The following BCAS3 variants were observed in gnomAD, a reference collection of about 807,000 sequenced individuals.
BCAS3 encodes the protein BCAS4/BCAS3 fusion.
A neutral mutation model predicts 116.1 loss-of-function variants in BCAS3; 53 were observed. That is an observed-to-expected ratio of 0.46 (90% CI 0.37 to 0.57). The LOEUF is 0.57. Among genes scored for constraint, BCAS3 ranks in the 20% least tolerant of loss-of-function variants. The pLI, the probability that BCAS3 is intolerant of heterozygous loss-of-function variation, is 0.00. For synonymous variants in BCAS3, 391 were observed against 408.2 expected (o/e 0.96, Z 0.51); for missense variants, 917 against 1,165.4 (o/e 0.79, Z 3.10).
chr17:60,716,763 T>C (rs1354486179), intron 5 of BCAS3, among the ~76,000 whole-genome samples: 1 of 152,148 alleles, frequency 6.6e-6, no homozygotes, highest in African/African-American at 2.4e-5. Flanking sequence ...TATGGTCATA[T>C]AATTTGGAGA....
At position 61,281,675 on chromosome 17, in the gene BCAS3, T is replaced by A. The variant is rs1264365726; in HGVS notation, c.2426-86652T>A. On this transcript the variant is annotated intron_variant, in intron 22 of 23. Coordinates refer to ENST00000407086, the MANE Select transcript of BCAS3 (RefSeq NM_017679.5). This position sits in a 1 kb window ranked among gnomAD's most constrained non-coding sequence, Gnocchi z 4.2. ...CTTTATACTGGGTTTTTTATCTTAT[T>A]CATATTGATTTGGAGGAGCTTTCTA... 1.3e-5 allele frequency among the ~76,000 whole-genome samples: 2 copies of A among 152,170 alleles called. No individual in the cohort carries two copies. Among genetic ancestry groups the A allele is most frequent in the Non-Finnish European group, 2.9e-5 (2 of 68,024 alleles).
chr17:61,207,877 G>A lies in BCAS3; in HGVS notation c.2425+123313G>A, dbSNP rs192830161. Among the ~76,000 whole-genome samples, 38 of 152,254 alleles carry A rather than the reference G, an allele frequency of 2.5e-4. No homozygotes were observed. In the East Asian group the frequency reaches 7.3e-3, roughly 29 times the overall value. ...TTTGTGTGTTGCTTAGTGAGAAGTG[G>A]TGGGTAGGAATAATTTTTCTGTTTT... On this transcript the variant is annotated intron_variant, in intron 22 of 23. Transcript: ENST00000407086.
At position 60,714,008 on chromosome 17, in the gene BCAS3, A is replaced by AT. The variant is rs36014133; in HGVS notation, c.321+4691dup. Among the ~76,000 whole-genome samples the AT allele has an allele frequency of 7.8e-3, 1,177 of 151,506 alleles. 10 individuals carry two copies. Among genetic ancestry groups the AT allele is most frequent in the Non-Finnish European group, 0.012 (832 of 67,808 alleles). ...GCCACCATGCCAGGCTAATTTTTGTATTTTTTTTAGTAGAGATGGGGTTTC... is the reference window on the plus strand; with the variant it reads ...GCCACCATGCCAGGCTAATTTTTGTATTTTTTTTTAGTAGAGATGGGGTTTC... On this transcript the variant is annotated intron_variant, in intron 5 of 23. Transcript: ENST00000407086.
intron 22 of BCAS3, among the ~76,000 whole-genome samples, chr17:61,085,637 C>T (rs117116644): frequency 3.9e-5 from 6 of 152,250 alleles, no homozygotes; most frequent in East Asian, 1.9e-4. Context: ...TCATTTTTAA[C>T]GTAGACTATT....
At chr17:60,845,797 T>TC (rs1367770503) in intron 7 of BCAS3, among the ~76,000 whole-genome samples, 7 of 149,310 alleles carry the variant, frequency 4.7e-5, no homozygotes, top group East Asian at 2.0e-4. Context: ...TTTTTTTTTT[T>TC]TCTCTCTCTC....
chr17:60,988,431 CCT>C (rs553622751), intron 14 of BCAS3, among the ~76,000 whole-genome samples: 47 of 144,536 alleles, frequency 3.3e-4, no homozygotes, highest in Admixed American at 1.9e-3. Flanking sequence ...ATTCCTTCCT[CCT>C]CTATTCTTCT....
chr17:61,036,199 A>T (rs1276075115), intron 17 of BCAS3: 2 of 152,210 alleles, frequency 1.3e-5, no homozygotes, highest in Non-Finnish European at 2.9e-5. Flanking sequence ...GTATTATTAA[A>T]GTAGGTCACA....
chr17:61,247,321 A>G (rs1274782869), intron 22 of BCAS3, among the ~76,000 whole-genome samples: 2 of 152,190 alleles, frequency 1.3e-5, no homozygotes, highest in Non-Finnish European at 1.5e-5. Flanking sequence ...AACTAGTATA[A>G]TCTTCAGGAA....
At position 61,189,132 on chromosome 17, in the gene BCAS3, A is replaced by G. The variant is rs7217734; in HGVS notation, c.2425+104568A>G. Among the ~76,000 whole-genome samples, 8,634 of 152,140 alleles carry G rather than the reference A, an allele frequency of 0.057. 822 individuals are homozygous for G. Among genetic ancestry groups the G allele is most frequent in the African/African-American group, 0.19 (8,065 of 41,464 alleles). ...CAAAACAAAACAAAAAAAGAGAGAG[A>G]GAGAGAGAACAGCACACTTCAAAGG... is the stretch of plus-strand genomic sequence containing the variant. On this transcript the variant is annotated intron_variant, in intron 22 of 23. Transcript: ENST00000407086. The surrounding 1 kb of genome is among the most constrained non-coding windows in gnomAD (Gnocchi z 4.5).
At position 60,967,121 on chromosome 17, in the gene BCAS3, A is replaced by C. The variant is rs1275755495; in HGVS notation, c.1221+19769A>C. Among the ~76,000 whole-genome samples the C allele has an allele frequency of 1.3e-5, 2 of 152,144 alleles. No homozygotes were observed. The highest frequency in any genetic ancestry group is 2.9e-5 in the Non-Finnish European group (2 of 68,010). ...GTTATAGAGTATTTTGTGTTTCACCATGTACTTTTTACCAGTGGGTTTTAT... is the reference window on the plus strand; with the variant it reads ...GTTATAGAGTATTTTGTGTTTCACCCTGTACTTTTTACCAGTGGGTTTTAT... On this transcript the variant is annotated intron_variant, in intron 14 of 23. Transcript: ENST00000407086. The surrounding 1 kb of genome is among the most constrained non-coding windows in gnomAD (Gnocchi z 4.7).
rs988726290 is a variant in BCAS3, at chr17:61,200,157, A to C, written c.2425+115593A>C. On this transcript the variant is annotated intron_variant, in intron 22 of 23. Coordinates refer to ENST00000407086, the MANE Select transcript of BCAS3 (RefSeq NM_017679.5). This position sits in a 1 kb window ranked among gnomAD's most constrained non-coding sequence, Gnocchi z 5.1. ...TTCATTTCTTATCCTCTTTATAAAA[A>C]ACAAAACAAAACCAACTTAGAACTT... Among the ~76,000 whole-genome samples the C allele has an allele frequency of 1.3e-5, 2 of 152,236 alleles. No individual in the cohort carries two copies. The highest frequency in any genetic ancestry group is 4.8e-5 in the African/African-American group (2 of 41,464).
rs147268070 is a variant in BCAS3 at position 61,126,380 on chromosome 17, T to C, written c.2425+41816T>C. Among the ~76,000 whole-genome samples the C allele has an allele frequency of 1.3e-3, 196 of 152,294 alleles. No individual in the cohort carries two copies. The highest frequency in any genetic ancestry group is 1.6e-3 in the Non-Finnish European group (109 of 67,986). ...CATTAGAAAAAAAGAGCAGTGTATA[T>C]GTGTCATGTTATCGCACGTGAACCA... On this transcript the variant is annotated intron_variant, in intron 22 of 23. Coordinates refer to ENST00000407086, the MANE Select transcript of BCAS3 (RefSeq NM_017679.5). This position sits in a 1 kb window ranked among gnomAD's most constrained non-coding sequence, Gnocchi z 4.6.
At chr17:61,293,156 C>T (rs1298893088) in intron 22 of BCAS3, among the ~76,000 whole-genome samples, 4 of 152,078 alleles carry the variant, frequency 2.6e-5, no homozygotes, top group East Asian at 1.9e-4. Context: ...CCAGTATGTT[C>T]GTAAAAATTA....
At chr17:61,119,686 T>G (rs1415340777) in intron 22 of BCAS3, among the ~76,000 whole-genome samples, 1 of 151,884 alleles carries the variant, frequency 6.6e-6, no homozygotes, top group Non-Finnish European at 1.5e-5. Flanking sequence ...GGCAGTAATA[T>G]ATATATATAA....
intron 22 of BCAS3, among the ~76,000 whole-genome samples, chr17:61,115,462 T>A (rs1017395614): frequency 3.5e-5 from 5 of 143,012 alleles, no homozygotes; most frequent in African/African-American, 1.3e-4. Context: ...AAAGAAGACA[T>A]TTATGCAGCC....
chr17:60,782,193 T>C (rs2144494551), intron 6 of BCAS3, among the ~76,000 whole-genome samples: 1 of 152,346 alleles, frequency 6.6e-6, no homozygotes, highest in South Asian at 2.1e-4. Flanking sequence ...TTCTTTCAAA[T>C]AGCTTGCAGC....
At chr17:61,165,314 A>G (rs1008238890) in intron 22 of BCAS3, among the ~76,000 whole-genome samples, 2 of 152,198 alleles carry the variant, frequency 1.3e-5, no homozygotes, top group Admixed American at 6.5e-5. Flanking sequence ...AGTGCCCACC[A>G]ATGTATATCC....
chr17:60,796,124 G>A (rs1313151109), intron 6 of BCAS3, among the ~76,000 whole-genome samples: 2 of 152,146 alleles, frequency 1.3e-5, no homozygotes, highest in African/African-American at 2.4e-5. Context: ...TGTTGGATTC[G>A]GTTAGCTAGT....
chr17:60,823,561 C>T (rs1298026758), intron 7 of BCAS3, among the ~76,000 whole-genome samples: 1 of 151,904 alleles, frequency 6.6e-6, no homozygotes, highest in Non-Finnish European at 1.5e-5. Flanking sequence ...GAGACTCTGT[C>T]TCTTACAAAC....
Sources: gnomAD v4.1 joint callset for allele counts (sites outside exome capture counted in the v4.1 genomes callset) on GRCh38, gnomAD v4.1.1 for gene constraint, Gnocchi (gnomAD v3.1) non-coding constraint, MANE v1.5 for transcripts, NCBI Gene and HGNC (gene_info 2026-07-23, HGNC 2026-07-21) for gene names.